Variants in MAML2 observed in about 807,000 individuals in gnomAD.
MAML2 encodes the protein mastermind like transcriptional coactivator 2.
In MAML2, 22 loss-of-function variants were observed where a neutral mutation model predicts 96.1. That is an observed-to-expected ratio of 0.23 (90% confidence interval 0.16 to 0.33). The LOEUF is 0.33. Among genes scored for constraint, MAML2 ranks in the 10% least tolerant of loss-of-function variants. The pLI, the probability that MAML2 is intolerant of heterozygous loss-of-function variation, is 1.00. For missense variants in MAML2, 1,367 were observed against 1,392.4 expected (o/e 0.98, Z 0.29); for synonymous variants, 561 against 521.3 (o/e 1.08, Z -1.04).
At chr11:96,150,093 A>G (rs1291460920) in intron 1 of MAML2, among the ~76,000 whole-genome samples, 3 of 152,220 alleles carry the variant, frequency 2.0e-5, no homozygotes, top group Non-Finnish European at 2.9e-5. Context: ...ATTAAATTCA[A>G]TATCTAAATA....
chr11:96,195,468 G>A (rs1458590854), intron 1 of MAML2, among the ~76,000 whole-genome samples: 1 of 152,178 alleles, frequency 6.6e-6, no homozygotes, highest in African/African-American at 2.4e-5. Context: ...GAAAAATACA[G>A]AGGAAGACAA....
At chr11:96,015,382 C>A (rs767734821) in intron 2 of MAML2, among the ~76,000 whole-genome samples, 1 of 151,940 alleles carries the variant, frequency 6.6e-6, no homozygotes, top group Non-Finnish European at 1.5e-5. Flanking sequence ...TGCCCAATTC[C>A]CAGGGTAGCA....
chr11:96,150,120 G>T (rs140253044), intron 1 of MAML2, among the ~76,000 whole-genome samples: 1 of 152,046 alleles, frequency 6.6e-6, no homozygotes, highest in Non-Finnish European at 1.5e-5. Context: ...TTGAAATTTC[G>T]TTAACAATTT....
chr11:96,120,229 T>A (rs1860314299), intron 1 of MAML2, among the ~76,000 whole-genome samples: 1 of 152,182 alleles, frequency 6.6e-6, no homozygotes, highest in African/African-American at 2.4e-5. Flanking sequence ...AGTGCTGGGT[T>A]TACAGGCGTG....
intron 1 of MAML2, among the ~76,000 whole-genome samples, chr11:96,297,354 C>A (rs1254143119): frequency 6.6e-6 from 1 of 152,082 alleles, no homozygotes; most frequent in African/African-American, 2.4e-5. Flanking sequence ...GCAGGCGGAT[C>A]ACTTGAGGTC....
At chr11:96,335,609 C>T (rs774722736) in intron 1 of MAML2, among the ~76,000 whole-genome samples, 5 of 152,172 alleles carry the variant, frequency 3.3e-5, no homozygotes, top group Non-Finnish European at 7.3e-5. Flanking sequence ...TAGTACAGAG[C>T]ACTTAGGCAA....
chr11:96,167,325 A>T (rs1431270743), intron 1 of MAML2, among the ~76,000 whole-genome samples: 1 of 151,510 alleles, frequency 6.6e-6, no homozygotes, highest in East Asian at 1.9e-4. Context: ...TCTTGCTCTT[A>T]CTCCTTCAAT....
At position 96,093,458 on chromosome 11, in the gene MAML2, T is replaced by C; in HGVS notation, c.573A>G (p.Arg191=). 6.2e-7 allele frequency: 1 copy of C among 1,613,956 alleles called. No homozygotes were observed. ...VVNLSPANSK[R]PNGFVDNSFL... ...ATGAGTTGTCCACAAAGCCATTGGG[T>C]CGCTTGCTGTTGGCAGGAGATAGGT... Residue 191 remains arginine, a synonymous_variant, in exon 2 of 5, where the codon CGA becomes CGG. Coordinates refer to ENST00000524717, the MANE Select transcript of MAML2 (RefSeq NM_032427.4).
At chr11:96,325,081 C>T (rs4753195) in intron 1 of MAML2, among the ~76,000 whole-genome samples, 8,441 of 152,186 alleles carry the variant, frequency 0.055, 473 homozygotes, top group East Asian at 0.3. Context: ...GTCTGACATC[C>T]TCATTCCATT....
intron 1 of MAML2, among the ~76,000 whole-genome samples, chr11:96,166,171 T>TCACACA (rs776905938): frequency 6.8e-5 from 8 of 117,798 alleles, no homozygotes; most frequent in East Asian, 6.2e-4. Flanking sequence ...TCTCTCTCTC[T>TCACACA]CTCTCTCACA....
intron 2 of MAML2, among the ~76,000 whole-genome samples, chr11:96,018,024 G>A (rs1479416557): frequency 6.6e-6 from 1 of 152,226 alleles, no homozygotes. Flanking sequence ...AGTAAGGAAG[G>A]CTACAGGAAT....
At chr11:96,328,857 C>T (rs1418958272) in intron 1 of MAML2, among the ~76,000 whole-genome samples, 1 of 152,050 alleles carries the variant, frequency 6.6e-6, no homozygotes, top group Non-Finnish European at 1.5e-5. Context: ...GATTGAATTC[C>T]CCTCCCCCAG....
chr11:96,308,569 T>A (rs1863497843), intron 1 of MAML2, among the ~76,000 whole-genome samples: 1 of 152,224 alleles, frequency 6.6e-6, no homozygotes, highest in Non-Finnish European at 1.5e-5. Context: ...GTAAGAAACC[T>A]ACTTTAGACA....
intron 1 of MAML2, among the ~76,000 whole-genome samples, chr11:96,154,599 C>G (rs1408579851): frequency 6.6e-6 from 1 of 152,130 alleles, no homozygotes; most frequent in Non-Finnish European, 1.5e-5. Flanking sequence ...AAAGTATTTT[C>G]AGTATTGGTT....
At chr11:96,324,637 C>T (rs2136013456) in intron 1 of MAML2, among the ~76,000 whole-genome samples, 1 of 152,254 alleles carries the variant, frequency 6.6e-6, no homozygotes, top group East Asian at 1.9e-4. Flanking sequence ...GATTATGAGT[C>T]CCCACATTTT....
chr11:96,169,673 T>TTTTTTTTTTTTTA (rs1861251359), intron 1 of MAML2, among the ~76,000 whole-genome samples: 1 of 151,634 alleles, frequency 6.6e-6, no homozygotes, highest in African/African-American at 2.4e-5. Flanking sequence ...TTTTTTTTTT[T>TTTTTTTTTTTTTA]GAGATGGAGT....
intron 1 of MAML2, among the ~76,000 whole-genome samples, chr11:96,206,955 A>G (rs1669959969): frequency 6.6e-6 from 1 of 152,236 alleles, no homozygotes; most frequent in Admixed American, 6.5e-5. Flanking sequence ...ATGAAGTGTT[A>G]CCAGCATAAA....
intron 1 of MAML2, among the ~76,000 whole-genome samples, chr11:96,268,273 G>A (rs890088749): frequency 6.6e-6 from 1 of 152,134 alleles, no homozygotes; most frequent in Non-Finnish European, 1.5e-5. Context: ...CCAGGAGTTC[G>A]AGAGCAGCCT....
At chr11:96,314,883 A>G (rs1421548057) in intron 1 of MAML2, among the ~76,000 whole-genome samples, 1 of 152,202 alleles carries the variant, frequency 6.6e-6, no homozygotes, top group Non-Finnish European at 1.5e-5. Context: ...GCCAGAGGAC[A>G]GACAAAGTCA....
Sources: allele counts gnomAD v4.1 joint callset (sites outside exome capture counted in the v4.1 genomes callset), GRCh38; gene constraint gnomAD v4.1.1; transcripts MANE v1.5; gene names NCBI Gene and HGNC (gene_info 2026-07-23, HGNC 2026-07-21).